MICAL3: variants seen among roughly 807,000 people sequenced by gnomAD.
MICAL3 encodes the protein [F-actin]-monooxygenase MICAL3.
In MICAL3, 62 loss-of-function variants were observed where a neutral mutation model predicts 207.4. The ratio of observed to expected loss-of-function variants is 0.30; its 90% CI spans 0.24 to 0.37. MICAL3 has a LOEUF of 0.37. MICAL3 is among the 10% of genes least tolerant of loss of function. MICAL3 has a pLI of 1.00. For missense variants in MICAL3, 2,368 were observed against 2,635.6 expected, an observed-to-expected ratio of 0.90 and a Z score of 2.22; for synonymous variants, 1,077 against 1,069.3, an observed-to-expected ratio of 1.01 and a Z score of -0.14.
At chr22:17,798,895 G>C (rs12165868) in intron 29 of MICAL3, among the ~76,000 whole-genome samples, 1 of 151,792 alleles carries the variant, frequency 6.6e-6, no homozygotes, top group Non-Finnish European at 1.5e-5. Context: ...GGATGGTCTC[G>C]ATCTCCTGAC....
At chr22:17,910,370 C>T (rs980968931) in intron 1 of MICAL3, among the ~76,000 whole-genome samples, 22 of 152,156 alleles carry the variant, frequency 1.4e-4, no homozygotes, top group African/African-American at 4.1e-4. Context: ...AAAGAATTTC[C>T]AAATCAAACC....
At chr22:17,933,535 G>A (rs933063976) in intron 1 of MICAL3, among the ~76,000 whole-genome samples, 1 of 152,076 alleles carries the variant, frequency 6.6e-6, no homozygotes, top group African/African-American at 2.4e-5. Flanking sequence ...ATCTAAAATC[G>A]ACACCCTAAC....
At chr22:17,860,224 A>G in intron 19 of MICAL3, 1 of 983,898 alleles carries the variant, frequency 1.0e-6, no homozygotes, top group Non-Finnish European at 1.2e-6. Context: ...AATTAAAAGC[A>G]CGACAACTTG....
intron 16 of MICAL3, among the ~76,000 whole-genome samples, chr22:17,877,060 TTATGGAGGTTAG>T: frequency 6.9e-6 from 1 of 144,872 alleles, no homozygotes; most frequent in South Asian, 2.2e-4. Flanking sequence ...GTTAGGGAGG[TTATGGAGGTTAG>T]GGAAGTTATG....
rs138329550 is a variant in MICAL3 at position 18,018,518 on chromosome 22, G to A, written c.-75+5763C>T. Among the ~76,000 whole-genome samples, 45 of 152,206 alleles carry A rather than the reference G, an allele frequency of 3.0e-4. 1 individual carries two copies. In the East Asian group the frequency reaches 8.8e-3, roughly 30 times the overall value. ...GCAGGTGGATCACCCGAGGTCAGGA[G>A]TTTGAGACCAGCCTGGCCAACATGG... On this transcript the variant is annotated intron_variant, in intron 1 of 31. Coordinates refer to ENST00000441493, the MANE Select transcript of MICAL3 (RefSeq NM_015241.3).
At chr22:17,852,043 G>C (rs1925395009) in intron 19 of MICAL3, among the ~76,000 whole-genome samples, 1 of 152,156 alleles carries the variant, frequency 6.6e-6, no homozygotes, top group East Asian at 1.9e-4. Context: ...GACACTCTCA[G>C]TCCGGAATGC....
intron 16 of MICAL3, among the ~76,000 whole-genome samples, chr22:17,876,180 C>A (rs1176899855): frequency 6.6e-6 from 1 of 152,160 alleles, no homozygotes; most frequent in Non-Finnish European, 1.5e-5. Flanking sequence ...GCACATAGCA[C>A]ACGTAACAAA....
At chr22:17,907,971 G>A (rs1931863330) in intron 1 of MICAL3, among the ~76,000 whole-genome samples, 1 of 152,222 alleles carries the variant, frequency 6.6e-6, no homozygotes, top group Non-Finnish European at 1.5e-5. Context: ...TACGTCCAGT[G>A]AGTCTGCTGG....
intron 16 of MICAL3, among the ~76,000 whole-genome samples, chr22:17,885,596 T>C (rs548628775): frequency 4.0e-5 from 6 of 151,594 alleles, no homozygotes; most frequent in Non-Finnish European, 8.8e-5. Context: ...TCTGCAAACA[T>C]GTACAGATGT....
At position 17,902,803 on chromosome 22, in the gene MICAL3, C is replaced by T. The variant is rs1023443931; in HGVS notation, c.473-56G>A. 8.9e-7 allele frequency: 1 copy of T among 1,122,414 alleles called. No homozygotes were observed. Among genetic ancestry groups the T allele is most frequent in the Non-Finnish European group, 1.3e-6 (1 of 762,738 alleles). The allele number at this position is 1,122,414 out of a possible 1,614,324, so 69.5% of individuals were successfully genotyped here. ...AACACATGGAGAAGGGGGTACCCAT[C>T]CGTGTCGCAGCTCAGGCTCCCACCC... On this transcript the variant is annotated intron_variant, in intron 3 of 31. Coordinates refer to ENST00000441493, the MANE Select transcript of MICAL3 (RefSeq NM_015241.3). This position sits in a 1 kb window ranked among gnomAD's most constrained non-coding sequence, Gnocchi z 4.5.
At chr22:17,877,779 CA>C (rs1188952498) in intron 16 of MICAL3, among the ~76,000 whole-genome samples, 1 of 152,116 alleles carries the variant, frequency 6.6e-6, no homozygotes, top group East Asian at 1.9e-4. Flanking sequence ...CTCTCTGCAC[CA>C]CAGCCCTAAA....
At chr22:17,856,945 C>T (rs1925982070) in intron 19 of MICAL3, among the ~76,000 whole-genome samples, 2 of 152,154 alleles carry the variant, frequency 1.3e-5, no homozygotes, top group Non-Finnish European at 2.9e-5. Flanking sequence ...TTAAAAGAAC[C>T]TACTGACCTA....
intron 1 of MICAL3, among the ~76,000 whole-genome samples, chr22:17,945,676 A>C (rs1339130236): frequency 6.6e-6 from 1 of 152,032 alleles, no homozygotes; most frequent in African/African-American, 2.4e-5. Context: ...CACAGCCCCC[A>C]TACGCCCCAA....
intron 19 of MICAL3, among the ~76,000 whole-genome samples, chr22:17,850,272 A>G (rs1489882742): frequency 6.6e-6 from 1 of 151,938 alleles, no homozygotes; most frequent in East Asian, 1.9e-4. Flanking sequence ...AGACCCAAAC[A>G]CTGTTTCCCA....
At chr22:17,954,036 G>A (rs1452897208) in intron 1 of MICAL3, among the ~76,000 whole-genome samples, 1 of 151,430 alleles carries the variant, frequency 6.6e-6, no homozygotes, top group Non-Finnish European at 1.5e-5. Flanking sequence ...GGGAAGCAGT[G>A]TGACATTTAT....
At chr22:17,898,151 C>T (rs56076143) in intron 7 of MICAL3, among the ~76,000 whole-genome samples, 20,425 of 151,922 alleles carry the variant, frequency 0.13, 1,650 homozygotes, top group East Asian at 0.3. Context: ...GGTCTCTTGG[C>T]ATTCTAGACT....
Position 17,889,243 on chromosome 22 carries a change from A to G in MICAL3, c.1695-13T>C. 1.3e-6 allele frequency: 2 copies of G among 1,594,560 alleles called. No homozygotes were observed. The highest frequency in any genetic ancestry group is 2.2e-5 in the East Asian group (1 of 44,630). ...AGAATCAAAATCTCTGAGAAACAGG[A>G]CAAGGAAAACATATCAAGATAGGTT... is the stretch of plus-strand genomic sequence containing the variant. On this transcript the variant is annotated splice_polypyrimidine_tract_variant and intron_variant, in intron 12 of 31. Transcript: ENST00000441493.
rs565895387 is a variant in MICAL3 at position 17,806,231 on chromosome 22, G to C, written c.5650+2613C>G. ...TATTTAAATTCTGGCCTGCAGCATA[G>C]TGCTCACCTGCCACCGTTCAGGGTC... On this transcript the variant is annotated intron_variant, in intron 29 of 31. Transcript: ENST00000441493. Among the ~76,000 whole-genome samples the C allele has an allele frequency of 1.1e-4, 17 of 152,320 alleles. No homozygotes were observed. In the South Asian group the frequency reaches 3.5e-3, roughly 32 times the overall value.
In MICAL3 at chr22:17,788,078, A is replaced by T. The variant is rs2061800965; in HGVS notation, c.*2654T>A. The T allele has an allele frequency of 6.6e-6, 1 of 152,280 alleles. No individual in the cohort carries two copies. Among genetic ancestry groups the T allele is most frequent in the Non-Finnish European group, 1.5e-5 (1 of 68,046 alleles). The allele number at this position is 152,280 out of a possible 1,614,324, so 9.4% of individuals were successfully genotyped here. ...AGGGAAGACTTAACTCTCCGAGAGA[A>T]AACCTGCCTGGAGCTGCGCACATTC... On this transcript the variant is annotated 3_prime_UTR_variant, in exon 32 of 32. Coordinates refer to ENST00000441493, the MANE Select transcript of MICAL3 (RefSeq NM_015241.3).
Sources: allele counts gnomAD v4.1 joint callset (sites outside exome capture counted in the v4.1 genomes callset), GRCh38; gene constraint gnomAD v4.1.1; non-coding constraint Gnocchi (gnomAD v3.1); transcripts MANE v1.5; gene names NCBI Gene and HGNC (gene_info 2026-07-23, HGNC 2026-07-21).